The following MAPK4 variants were observed in gnomAD, a reference collection of about 807,000 sequenced individuals.
MAPK4 encodes Erk3-related.
In MAPK4, 22 loss-of-function variants were observed where a neutral mutation model predicts 47.7. The observed-to-expected ratio is 0.46, with a 90% CI of 0.33 to 0.66. The LOEUF (loss-of-function observed/expected upper bound fraction) is 0.66, where lower values mean the gene tolerates loss of function less well. Among genes scored for constraint, MAPK4 ranks in the 30% least tolerant of loss-of-function variants. The pLI is 0.02. For missense variants in MAPK4, 736 were observed against 831.7 expected (o/e 0.88, Z 1.42); for synonymous variants, 390 against 365.7 (o/e 1.07, Z -0.76).
chr18:50,587,880 C>G (rs139013926), intron 1 of MAPK4, among the ~76,000 whole-genome samples: 1,766 of 152,140 alleles, frequency 0.012, 10 homozygotes, highest in Middle Eastern at 0.02. Context: ...AGGCGCCCAC[C>G]ACCACGCCCA....
rs559848519 is a variant in MAPK4, at chr18:50,729,307, A to G, written c.1217A>G (p.Glu406Gly). 6.2e-7 allele frequency: 1 copy of G among 1,606,064 alleles called. No individual in the cohort carries two copies. Among genetic ancestry groups the G allele is most frequent in the Non-Finnish European group, 8.5e-7 (1 of 1,176,524 alleles). The change falls in exon 6 of 6, where the codon GAG (glutamate) becomes GGG (glycine). Residue 406 changes from glutamate (E) to glycine (G), a missense_variant. Physicochemically the swap from Glu to Gly is moderately conservative, Grantham distance 98. Around this residue, in one of 3 missense-constraint regions of MAPK4, gnomAD observed 377 missense variants for 378.6 expected, o/e 1.00. Coordinates refer to ENST00000400384, the MANE Select transcript of MAPK4 (RefSeq NM_002747.4). ...DPRKDSHSSS[E>G]RFLEQSHSSM... The stretch of plus-strand genomic sequence containing the variant: ...CGCAAGGACTCGCACAGCAGCTCCG[A>G]GCGCTTCCTAGAGCAGTCGCACTCG...
intron 1 of MAPK4, among the ~76,000 whole-genome samples, chr18:50,645,768 A>C (rs2042983260): frequency 6.6e-6 from 1 of 152,160 alleles, no homozygotes; most frequent in African/African-American, 2.4e-5. Flanking sequence ...GGTTGAGGGC[A>C]TGGCATCTGA....
intron 1 of MAPK4, among the ~76,000 whole-genome samples, chr18:50,642,532 T>C (rs1361463163): frequency 2.0e-5 from 3 of 152,200 alleles, no homozygotes; most frequent in Admixed American, 6.5e-5. Context: ...ACTCAAGTAA[T>C]AAGGCCTATG....
chr18:50,668,728 A>G (rs1369527386), intron 2 of MAPK4, among the ~76,000 whole-genome samples: 1 of 152,182 alleles, frequency 6.6e-6, no homozygotes, highest in Non-Finnish European at 1.5e-5. Flanking sequence ...GTTTATCCCT[A>G]GAATAGATCT....
chr18:50,615,645 G>A (rs1437642944), intron 1 of MAPK4, among the ~76,000 whole-genome samples: 1 of 152,220 alleles, frequency 6.6e-6, no homozygotes, highest in African/African-American at 2.4e-5. Flanking sequence ...TTATATTTCT[G>A]TGGAAGAAGA....
At chr18:50,589,862 T>C (rs1021961908) in intron 1 of MAPK4, among the ~76,000 whole-genome samples, 2 of 152,218 alleles carry the variant, frequency 1.3e-5, no homozygotes, top group African/African-American at 4.8e-5. Context: ...AGCTGGAGCT[T>C]CCATTGTCCT....
intron 2 of MAPK4, among the ~76,000 whole-genome samples, chr18:50,695,597 C>T (rs1909472197): frequency 6.6e-6 from 1 of 152,046 alleles, no homozygotes; most frequent in African/African-American, 2.4e-5. Flanking sequence ...GGAGGCACTC[C>T]AGGTCAGGGT....
chr18:50,682,946 G>T (rs1398383966), intron 2 of MAPK4, among the ~76,000 whole-genome samples: 1 of 152,196 alleles, frequency 6.6e-6, no homozygotes, highest in African/African-American at 2.4e-5. Context: ...CAGGAGAGTT[G>T]TGCTGAGTGA....
chr18:50,650,926 C>T (rs777200526), intron 1 of MAPK4, among the ~76,000 whole-genome samples: 2 of 152,174 alleles, frequency 1.3e-5, no homozygotes, highest in East Asian at 1.9e-4. Context: ...CCTCACCTGA[C>T]GTAGGATGCC....
chr18:50,625,882 G>A (rs945014542), intron 1 of MAPK4, among the ~76,000 whole-genome samples: 5 of 145,340 alleles, frequency 3.4e-5, no homozygotes, highest in African/African-American at 1.3e-4. Flanking sequence ...GTGTGTGTAT[G>A]CACACACACA....
At chr18:50,635,057 G>A (rs2042871626) in intron 1 of MAPK4, among the ~76,000 whole-genome samples, 1 of 152,200 alleles carries the variant, frequency 6.6e-6, no homozygotes, top group Non-Finnish European at 1.5e-5. Context: ...TGCAGCCAAG[G>A]CTAAGCATGA....
At chr18:50,630,778 C>T (rs776281475) in intron 1 of MAPK4, among the ~76,000 whole-genome samples, 10 of 152,130 alleles carry the variant, frequency 6.6e-5, no homozygotes, top group Non-Finnish European at 8.8e-5. Context: ...TTGGCTGTGC[C>T]GCTGCCATCC....
At chr18:50,561,929 G>A (rs1016547784) in intron 1 of MAPK4, among the ~76,000 whole-genome samples, 6 of 152,180 alleles carry the variant, frequency 3.9e-5, no homozygotes, top group Non-Finnish European at 5.9e-5. Flanking sequence ...ATGCTCAAAG[G>A]GACAGAGAAT....
intron 3 of MAPK4, among the ~76,000 whole-genome samples, chr18:50,721,089 A>G (rs920998283): frequency 3.3e-5 from 5 of 152,150 alleles, no homozygotes; most frequent in Admixed American, 2.6e-4. Context: ...CAAAAAAGAG[A>G]AAATGGAAGT....
chr18:50,591,827 C>G (rs528524225), intron 1 of MAPK4, among the ~76,000 whole-genome samples: 1 of 152,166 alleles, frequency 6.6e-6, no homozygotes, highest in African/African-American at 2.4e-5. Flanking sequence ...CCAAAGGGTC[C>G]TCTTTCCTGA....
intron 1 of MAPK4, among the ~76,000 whole-genome samples, chr18:50,564,838 C>A (rs560251764): frequency 1.3e-5 from 2 of 152,100 alleles, no homozygotes; most frequent in Non-Finnish European, 2.9e-5. Flanking sequence ...AACCACCAGT[C>A]GGGAAGGAAA....
chr18:50,729,380 C>T lies in MAPK4; in HGVS notation c.1290C>T (p.Tyr430=), dbSNP rs748193614. ...FEADYGRSCD[Y]KVGSPSYLDK... is the part of the protein sequence containing the mutation. ...CCGACTACGGGCGCTCCTGCGACTA[C>T]AAGGTGGGGTCGCCGTCCTACCTGG... The change falls in exon 6 of 6, where the codon TAC becomes TAT. Residue 430 remains tyrosine (Y), a synonymous_variant. Transcript: ENST00000400384. 3.2e-6 allele frequency: 5 copies of T among 1,571,024 alleles called. No individual in the cohort carries two copies. In the East Asian group the frequency reaches 9.3e-5, roughly 29 times the overall value.
intron 1 of MAPK4, among the ~76,000 whole-genome samples, chr18:50,610,853 T>A (rs1301588229): frequency 6.6e-6 from 1 of 152,186 alleles, no homozygotes; most frequent in Non-Finnish European, 1.5e-5. Flanking sequence ...CACTTGACAG[T>A]GAGCATCTTG....
intron 2 of MAPK4, among the ~76,000 whole-genome samples, chr18:50,697,332 T>G (rs1191632079): frequency 6.6e-6 from 1 of 152,218 alleles, no homozygotes; most frequent in African/African-American, 2.4e-5. Context: ...TGTCACAGAA[T>G]GGGAGCTTCT....
Sources: allele counts gnomAD v4.1 joint callset (sites outside exome capture counted in the v4.1 genomes callset), GRCh38; gene constraint gnomAD v4.1.1; regional missense constraint gnomAD v4.1.1; transcripts MANE v1.5; gene names NCBI Gene and HGNC (gene_info 2026-07-23, HGNC 2026-07-21).